Variants in GNB1 observed in about 807,000 individuals in gnomAD.
GNB1 encodes the protein guanine nucleotide-binding protein G(I)/G(S)/G(T) subunit beta-1.
Under a neutral mutation model 42.9 loss-of-function variants are expected in GNB1, and 2 were observed. The ratio of observed to expected loss-of-function variants is 0.05; its 90% CI spans 0.02 to 0.15. The LOEUF (loss-of-function observed/expected upper bound fraction) is 0.15, where lower values mean the gene tolerates loss of function less well. Among genes scored for constraint, GNB1 ranks in the 10% least tolerant of loss-of-function variants. The pLI is 1.00. For synonymous variants in GNB1, 183 were observed against 174.7 expected (o/e 1.05, Z -0.38); for missense variants, 193 against 462.2 (o/e 0.42, Z 5.34).
Position 1,786,526 on chromosome 1 carries a change from ACT to A in GNB1, c.*535_*536del, listed in dbSNP as rs1449597984. 1.3e-5 allele frequency: 2 copies of A among 157,194 alleles called. No individual in the cohort carries two copies. Among genetic ancestry groups the A allele is most frequent in the South Asian group, 2.1e-4 (1 of 4,862 alleles). 9.7% of individuals were successfully genotyped at this position (157,194 alleles called of 1,614,324 possible). On this transcript the variant is annotated 3_prime_UTR_variant, in exon 12 of 12. Coordinates refer to ENST00000378609, the MANE Select transcript of GNB1 (RefSeq NM_002074.5). Reference sequence around the variant, plus strand: ...GACAACATCAGAGAGGCTGCCCTAGACTCTCTGGTTTTGATTAACTGTTGAAC... The same window carrying A: ...GACAACATCAGAGAGGCTGCCCTAGACTCTGGTTTTGATTAACTGTTGAAC...
intron 1 of GNB1, among the ~76,000 whole-genome samples, chr1:1,883,289 AAAAAAG>A (rs983123595): frequency 6.6e-6 from 1 of 151,840 alleles, no homozygotes; most frequent in African/African-American, 2.4e-5. Context: ...AAAAAAAAAA[AAAAAAG>A]AAAAAGAAAA....
intron 10 of GNB1, chr1:1,788,028 C>CA (rs1195576405): frequency 0.019 from 1,390 of 72,052 alleles, 11 homozygotes; most frequent in South Asian, 0.036. Context: ...GACTCCATCT[C>CA]AAAAAAAAAA....
At chr1:1,849,389 CA>C (rs1415886105) in intron 1 of GNB1, among the ~76,000 whole-genome samples, 2 of 152,176 alleles carry the variant, frequency 1.3e-5, no homozygotes, top group Non-Finnish European at 2.9e-5. Context: ...CTACTGGCAA[CA>C]AACCCCACAA....
intron 2 of GNB1, among the ~76,000 whole-genome samples, chr1:1,831,110 A>T (rs553410343): frequency 2.0e-5 from 3 of 152,262 alleles, no homozygotes; most frequent in South Asian, 2.1e-4. Context: ...GGCTGCAGTG[A>T]GCAGAGATCG....
chr1:1,825,262 C>T (rs913337681), intron 3 of GNB1, 135 bp downstream of exon 3: 3 of 695,226 alleles, frequency 4.3e-6, no homozygotes, highest in East Asian at 5.1e-5. Flanking sequence ...ATAATTAGTA[C>T]ATCCTGGGCC....
At chr1:1,860,148 G>C (rs1351667322) in intron 1 of GNB1, among the ~76,000 whole-genome samples, 2 of 152,184 alleles carry the variant, frequency 1.3e-5, no homozygotes. Context: ...GCAGCTGGAA[G>C]CCATTATCCT....
intron 5 of GNB1, among the ~76,000 whole-genome samples, chr1:1,810,075 A>T (rs1394892244): frequency 6.6e-6 from 1 of 151,666 alleles, no homozygotes. Context: ...TCCACAAAAA[A>T]ATATATATAT....
At chr1:1,868,626 CA>C (rs980885477) in intron 1 of GNB1, among the ~76,000 whole-genome samples, 2 of 151,082 alleles carry the variant, frequency 1.3e-5, no homozygotes, top group Admixed American at 6.6e-5. Context: ...ACTAAAAATA[CA>C]AAAAAATTAG....
At chr1:1,817,940 T>TA (rs1646878992) in intron 3 of GNB1, 65 bp from the exon 4 acceptor site, 2 of 1,238,710 alleles carry the variant, frequency 1.6e-6, no homozygotes, top group African/African-American at 1.5e-5. Flanking sequence ...GGTCCACACA[T>TA]ACCAAAGTTT....
intron 7 of GNB1, chr1:1,794,253 T>G (rs1557883070): frequency 6.6e-6 from 1 of 152,018 alleles, no homozygotes; most frequent in Non-Finnish European, 1.5e-5. Flanking sequence ...ATACAAAAAT[T>G]AAGCGTGGTG....
At chr1:1,846,828 C>G (rs897490878) in intron 1 of GNB1, among the ~76,000 whole-genome samples, 2 of 152,090 alleles carry the variant, frequency 1.3e-5, no homozygotes, top group African/African-American at 4.8e-5. Context: ...CCAAAGTGCT[C>G]AGATTATAGG....
chr1:1,842,153 A>G (rs1014036713), intron 1 of GNB1, among the ~76,000 whole-genome samples: 14 of 151,918 alleles, frequency 9.2e-5, no homozygotes, highest in Admixed American at 2.0e-4. Flanking sequence ...AAAAATTGCC[A>G]GGCACGGTGG....
chr1:1,817,339 A>T (rs935797731), intron 4 of GNB1, among the ~76,000 whole-genome samples: 2 of 152,136 alleles, frequency 1.3e-5, no homozygotes, highest in Non-Finnish European at 2.9e-5. Context: ...TTCTCCACTC[A>T]TTCATTTATG....
In GNB1 at chr1:1,785,595, G is replaced by T. The variant is rs1416082970; in HGVS notation, c.*1468C>A. The T allele has an allele frequency of 3.3e-5, 6 of 182,810 alleles. No individual in the cohort carries two copies. The highest frequency in any genetic ancestry group is 6.2e-5 in the Admixed American group (1 of 16,130). 11.3% of individuals were successfully genotyped at this position (182,810 alleles called of 1,614,324 possible). A position where few individuals can be genotyped will look rare whatever the true frequency, so the allele number is the denominator to read the frequency against. ...AAGGAGTGCGGGGGGCGGGGCGGGGGGTCCCACAGAACCTGCTTTCCAAAC... is the reference window on the plus strand; with the variant it reads ...AAGGAGTGCGGGGGGCGGGGCGGGGTGTCCCACAGAACCTGCTTTCCAAAC... On this transcript the variant is annotated 3_prime_UTR_variant, in exon 12 of 12. Coordinates refer to ENST00000378609, the MANE Select transcript of GNB1 (RefSeq NM_002074.5).
At chr1:1,882,659 A>G (rs977701706) in intron 1 of GNB1, among the ~76,000 whole-genome samples, 1 of 152,122 alleles carries the variant, frequency 6.6e-6, no homozygotes, top group Admixed American at 6.5e-5. Flanking sequence ...GTGGTGGCTC[A>G]CGCCTGTAAT....
chr1:1,817,120 C>T (rs1646868815), intron 4 of GNB1, among the ~76,000 whole-genome samples: 1 of 152,156 alleles, frequency 6.6e-6, no homozygotes, highest in Non-Finnish European at 1.5e-5. Flanking sequence ...TCCCCTAACA[C>T]CCCTGCTGGC....
chr1:1,844,148 T>C (rs955392313), intron 1 of GNB1, among the ~76,000 whole-genome samples: 31 of 151,604 alleles, frequency 2.0e-4, no homozygotes, highest in African/African-American at 7.5e-4. Context: ...TGAGCTGAGA[T>C]TGCGTCACTG....
chr1:1,856,365 C>G (rs111982373), intron 1 of GNB1, among the ~76,000 whole-genome samples: 10,806 of 152,214 alleles, frequency 0.071, 523 homozygotes, highest in Non-Finnish European at 0.11. Flanking sequence ...CTCAAGTGAT[C>G]CTCCCACCTT....
intron 1 of GNB1, among the ~76,000 whole-genome samples, chr1:1,847,270 C>T (rs887116526): frequency 2.0e-5 from 3 of 149,792 alleles, no homozygotes; most frequent in Non-Finnish European, 3.0e-5. Context: ...TTGCCAGTCT[C>T]TTGGTTGTGG....
Sources: allele counts gnomAD v4.1 joint callset (sites outside exome capture counted in the v4.1 genomes callset), GRCh38; gene constraint gnomAD v4.1.1; transcripts MANE v1.5; gene names NCBI Gene and HGNC (gene_info 2026-07-23, HGNC 2026-07-21).